TENM4: variants seen among roughly 807,000 people sequenced by gnomAD.
The protein encoded by TENM4 is teneurin-4.
Under a neutral mutation model 243.3 loss-of-function variants are expected in TENM4, and 82 were observed. That is an observed-to-expected ratio of 0.34 (90% confidence interval 0.28 to 0.40). TENM4 has a LOEUF of 0.40. Among genes scored for constraint, TENM4 ranks in the 10% least tolerant of loss-of-function variants. The pLI is 1.00. For synonymous variants in TENM4, 1,412 were observed against 1,456.3 expected (o/e 0.97, Z 0.69); for missense variants, 3,138 against 3,673.3 (o/e 0.85, Z 3.77).
At chr11:79,065,327 G>A (rs1026056020) in intron 5 of TENM4, among the ~76,000 whole-genome samples, 6 of 152,194 alleles carry the variant, frequency 3.9e-5, no homozygotes, top group Admixed American at 2.0e-4. Flanking sequence ...CTTGGGCCTG[G>A]TCATACTGCA....
chr11:79,190,285 T>G (rs946976232), intron 3 of TENM4, among the ~76,000 whole-genome samples: 1 of 152,174 alleles, frequency 6.6e-6, no homozygotes, highest in East Asian at 1.9e-4. Context: ...TGTTTATGTC[T>G]CAAGTCTCAG....
intron 6 of TENM4, among the ~76,000 whole-genome samples, chr11:79,060,411 C>G (rs1227594936): frequency 1.3e-5 from 2 of 152,230 alleles, no homozygotes; most frequent in East Asian, 3.8e-4. Flanking sequence ...TTGATGGCAG[C>G]TGCATGCAGC....
At chr11:79,111,191 C>G (rs1460212823) in intron 4 of TENM4, among the ~76,000 whole-genome samples, 1 of 152,182 alleles carries the variant, frequency 6.6e-6, no homozygotes, top group Non-Finnish European at 1.5e-5. Flanking sequence ...TAAGATGTGC[C>G]TTTCGCCTTC....
rs77993391 is a variant in TENM4, at chr11:78,934,451, A to T, written c.494-30928T>A. ...CCCCAACTCTGCGTGTCTTGGGGAC[A>T]TCTCAGGTGTTCTCTAGGCCTTAGT... On this transcript the variant is annotated intron_variant, in intron 6 of 33. Transcript: ENST00000278550. 6.1e-3 allele frequency among the ~76,000 whole-genome samples: 934 copies of T among 152,302 alleles called. 7 individuals are homozygous for T. Among genetic ancestry groups the T allele is most frequent in the Middle Eastern group, 0.014 (4 of 294 alleles).
In TENM4 at chr11:79,440,438, G is replaced by T. The variant is rs1859379641; in HGVS notation, c.-321+71C>A. On this transcript the variant is annotated intron_variant, in intron 1 of 33. Transcript: ENST00000278550. This position sits in a 1 kb window ranked among gnomAD's most constrained non-coding sequence, Gnocchi z 4.7. The stretch of plus-strand genomic sequence containing the variant: ...CCTGCCCGGGCCAGCAGTGCAGAGG[G>T]CGATGGAGCTGGCGAGGCGTCGCCG... The T allele has an allele frequency of 6.6e-6, 1 of 152,398 alleles. No homozygotes were observed. Among genetic ancestry groups the T allele is most frequent in the Non-Finnish European group, 1.5e-5 (1 of 68,210 alleles). The allele number at this position is 152,398 out of a possible 1,614,324, so 9.4% of individuals were successfully genotyped here. A position where few individuals can be genotyped will look rare whatever the true frequency, so the allele number is the denominator to read the frequency against.
At chr11:78,917,742 C>A (rs1046640581) in intron 6 of TENM4, among the ~76,000 whole-genome samples, 1 of 152,162 alleles carries the variant, frequency 6.6e-6, no homozygotes, top group Non-Finnish European at 1.5e-5. Context: ...CTTTCCATTT[C>A]ATCTTCCCAA....
At chr11:78,794,558 G>A (rs1375981795) in intron 15 of TENM4, among the ~76,000 whole-genome samples, 1 of 152,236 alleles carries the variant, frequency 6.6e-6, no homozygotes, top group Non-Finnish European at 1.5e-5. Flanking sequence ...CTAAAGATCA[G>A]GAGCATGATG....
intron 6 of TENM4, among the ~76,000 whole-genome samples, chr11:78,923,693 CTTTTTTTTTTT>C (rs1172776088): frequency 1.1e-4 from 6 of 53,680 alleles, no homozygotes; most frequent in African/African-American, 3.7e-4. Context: ...ATGCACCTGG[CTTTTTTTTTTT>C]TTTTTTTTTT....
intron 3 of TENM4, among the ~76,000 whole-genome samples, chr11:79,198,789 C>A (rs1360740602): frequency 6.6e-6 from 1 of 152,180 alleles, no homozygotes; most frequent in Non-Finnish European, 1.5e-5. Flanking sequence ...CCTGCCCTTG[C>A]GGAGCTTTCC....
chr11:79,198,775 T>C lies in TENM4; in HGVS notation c.-163+17033A>G, dbSNP rs533572677. Among the ~76,000 whole-genome samples the C allele has an allele frequency of 5.9e-4, 90 of 152,326 alleles. 1 individual carries two copies. The highest frequency in any genetic ancestry group is 2.1e-3 in the African/African-American group (87 of 41,584). ...GGGACGCAGAGGGAGGACAGTGGCATTGTCCTGCCCTTGCGGAGCTTTCCT... is the reference window on the plus strand; with the variant it reads ...GGGACGCAGAGGGAGGACAGTGGCACTGTCCTGCCCTTGCGGAGCTTTCCT... On this transcript the variant is annotated intron_variant, in intron 3 of 33. Coordinates refer to ENST00000278550, the MANE Select transcript of TENM4 (RefSeq NM_001098816.3).
At chr11:79,090,615 T>C (rs984562832) in intron 4 of TENM4, among the ~76,000 whole-genome samples, 3 of 152,240 alleles carry the variant, frequency 2.0e-5, no homozygotes, top group Non-Finnish European at 4.4e-5. Context: ...GTATAGTCAG[T>C]AAGTGCCTGG....
At chr11:79,168,868 T>G (rs1253912375) in intron 3 of TENM4, among the ~76,000 whole-genome samples, 1 of 152,190 alleles carries the variant, frequency 6.6e-6, no homozygotes, top group Non-Finnish European at 1.5e-5. Context: ...CCTGTTCTCT[T>G]GGAACTTTGC....
At chr11:78,814,248 G>A in intron 13 of TENM4, 46 bp downstream of exon 13, 1 of 1,524,420 alleles carries the variant, frequency 6.6e-7, no homozygotes, top group Non-Finnish European at 8.9e-7. Context: ...AGCTGCCTGA[G>A]GGGTCTGGGA....
intron 9 of TENM4, among the ~76,000 whole-genome samples, chr11:78,887,064 T>G (rs1258000581): frequency 1.3e-5 from 2 of 152,192 alleles, no homozygotes; most frequent in African/African-American, 2.4e-5. Context: ...TATCACTGCT[T>G]AAAACTGTTC....
chr11:79,201,120 A>C (rs928048524), intron 3 of TENM4, among the ~76,000 whole-genome samples: 1 of 152,212 alleles, frequency 6.6e-6, no homozygotes, highest in Non-Finnish European at 1.5e-5. Context: ...GACATCACAC[A>C]ACACAGAGAA....
At chr11:78,950,017 A>C (rs1258979495) in intron 6 of TENM4, among the ~76,000 whole-genome samples, 2 of 151,924 alleles carry the variant, frequency 1.3e-5, no homozygotes, top group Non-Finnish European at 2.9e-5. Context: ...TCAATGGATG[A>C]TGAGCAGGGT....
At chr11:79,084,814 CAT>C (rs779003542) in intron 4 of TENM4, among the ~76,000 whole-genome samples, 2 of 152,124 alleles carry the variant, frequency 1.3e-5, no homozygotes, top group African/African-American at 4.8e-5. Flanking sequence ...CTCACCTACA[CAT>C]GTGATAAAAT....
At chr11:78,907,309 G>C (rs189522563) in intron 6 of TENM4, among the ~76,000 whole-genome samples, 1 of 150,162 alleles carries the variant, frequency 6.7e-6, no homozygotes, top group East Asian at 2.0e-4. Flanking sequence ...CTACAGAGGA[G>C]ACTTCTTTTA....
intron 3 of TENM4, among the ~76,000 whole-genome samples, chr11:79,185,061 G>A (rs1863356724): frequency 6.6e-6 from 1 of 152,198 alleles, no homozygotes. Flanking sequence ...CACTTTGGGA[G>A]GCTGATGGGG....
Sources: gnomAD v4.1 joint callset for allele counts (sites outside exome capture counted in the v4.1 genomes callset) on GRCh38, gnomAD v4.1.1 for gene constraint, Gnocchi (gnomAD v3.1) non-coding constraint, MANE v1.5 for transcripts, NCBI Gene and HGNC (gene_info 2026-07-23, HGNC 2026-07-21) for gene names.